The following CAST variants were observed in gnomAD, a reference collection of about 807,000 sequenced individuals.
The protein encoded by CAST is MIR583 host.
In CAST, 76 loss-of-function variants were observed where a neutral mutation model predicts 119.6. That is an observed-to-expected ratio of 0.64 (90% confidence interval 0.53 to 0.77). The LOEUF (loss-of-function observed/expected upper bound fraction) is 0.77, where lower values mean the gene tolerates loss of function less well. CAST is among the 30% of genes least tolerant of loss of function. The probability of loss-of-function intolerance (pLI) is 0.00; values close to 1 mark genes in which losing one functional copy is unlikely to be tolerated. For missense variants in CAST, 953 were observed against 946.5 expected, an observed-to-expected ratio of 1.01 and a Z score of -0.09; for synonymous variants, 319 against 331.6, an observed-to-expected ratio of 0.96 and a Z score of 0.41.
chr5:96,647,662 T>C (rs111326173), intron 1 of CAST, among the ~76,000 whole-genome samples: 1 of 151,974 alleles, frequency 6.6e-6, no homozygotes, highest in African/African-American at 2.4e-5. Context: ...AAATACATAA[T>C]AAATAAATAA....
At chr5:96,385,992 C>A in the CAST span, among the ~76,000 whole-genome samples, 2 of 152,180 alleles carry the variant, frequency 1.3e-5, no homozygotes, top group Admixed American at 6.5e-5. Context: ...AGCAAGTAAA[C>A]AAAACATGTT....
At chr5:96,680,380 G>GAAAAAAA (rs1751255045) in intron 2 of CAST, among the ~76,000 whole-genome samples, 1 of 72,740 alleles carries the variant, frequency 1.4e-5, no homozygotes, top group Non-Finnish European at 2.4e-5. Flanking sequence ...AAAAAAAAAA[G>GAAAAAAA]AAGAAGAAGA....
intron 9 of CAST, among the ~76,000 whole-genome samples, chr5:96,731,763 C>T (rs372383123): frequency 1.8e-4 from 25 of 140,980 alleles, no homozygotes; most frequent in African/African-American, 5.6e-4. Flanking sequence ...TTTGGTTTTT[C>T]GTTCTTGCGA....
upstream of CAST, chr5:96,662,224 G>A: frequency 1.8e-6 from 1 of 555,648 alleles, no homozygotes; most frequent in Non-Finnish European, 2.8e-6. Flanking sequence ...CCCTCCGCGG[G>A]CAGGAAGGGG....
At chr5:96,670,638 C>T (rs541315853) in intron 1 of CAST, among the ~76,000 whole-genome samples, 13 of 152,170 alleles carry the variant, frequency 8.5e-5, no homozygotes, top group Non-Finnish European at 1.6e-4. Flanking sequence ...GCTGGGACTA[C>T]AGGTGTGCAC....
chr5:96,597,463 G>T (rs777122888), intron 1 of CAST, among the ~76,000 whole-genome samples: 1 of 152,162 alleles, frequency 6.6e-6, no homozygotes, highest in Non-Finnish European at 1.5e-5. Context: ...GGACAAGAAG[G>T]CTACCATCCC....
At chr5:96,099,983 T>C in the CAST span, among the ~76,000 whole-genome samples, 6 of 152,206 alleles carry the variant, frequency 3.9e-5, no homozygotes, top group Non-Finnish European at 8.8e-5. Flanking sequence ...TGGTAGGCTA[T>C]TTATGACTGC....
rs962796749 is a variant in CAST, at chr5:96,724,632, A to G, written c.270+1934A>G. Among the ~76,000 whole-genome samples, 3 of 151,786 alleles carry G rather than the reference A, an allele frequency of 2.0e-5. No individual in the cohort carries two copies. In the South Asian group the frequency reaches 6.2e-4, roughly 32 times the overall value. ...GATCGCTTGAGCCCAGGAGTTTGGGACCAGCCTGGGCAACATAGCGAGATC... is the reference window on the plus strand; with the variant it reads ...GATCGCTTGAGCCCAGGAGTTTGGGGCCAGCCTGGGCAACATAGCGAGATC... On this transcript the variant is annotated intron_variant, in intron 4 of 31. Coordinates refer to ENST00000675179, the MANE Select transcript of CAST (RefSeq NM_001750.7).
At chr5:96,375,691 C>T in the CAST span, among the ~76,000 whole-genome samples, 1 of 151,484 alleles carries the variant, frequency 6.6e-6, no homozygotes, top group Non-Finnish European at 1.5e-5. Flanking sequence ...AGGAGATTAC[C>T]TTGTATAATG....
chr5:95,961,945 C>T, the CAST span: 1 of 520,772 alleles, frequency 1.9e-6, no homozygotes. Flanking sequence ...GTCTTGTTCC[C>T]TTCAGAACCG....
the CAST span, among the ~76,000 whole-genome samples, chr5:96,199,488 T>C: frequency 2.0e-5 from 3 of 152,186 alleles, no homozygotes; most frequent in African/African-American, 2.4e-5. Flanking sequence ...TAGGTTTACA[T>C]AGACCAAATC....
the CAST span, among the ~76,000 whole-genome samples, chr5:96,470,207 A>ACG: frequency 5.3e-3 from 809 of 151,282 alleles, 7 homozygotes; most frequent in African/African-American, 0.018. Context: ...ACACACACAC[A>ACG]CACGCACAGA....
the CAST span, among the ~76,000 whole-genome samples, chr5:96,475,688 G>A: frequency 4.6e-4 from 70 of 152,174 alleles, no homozygotes; most frequent in Non-Finnish European, 5.9e-5. Context: ...CAAGCAGGGG[G>A]TCTGGAAGTT....
At chr5:96,260,977 A>G in the CAST span, among the ~76,000 whole-genome samples, 1 of 152,204 alleles carries the variant, frequency 6.6e-6, no homozygotes, top group African/African-American at 2.4e-5. Context: ...CTAAAGACTA[A>G]TGGAACCTGC....
the CAST span, among the ~76,000 whole-genome samples, chr5:96,307,263 G>A: frequency 6.6e-6 from 1 of 152,142 alleles, no homozygotes; most frequent in Non-Finnish European, 1.5e-5. Context: ...TCAGAGACTA[G>A]GATTGTGACC....
chr5:95,997,962 GGT>G, the CAST span, among the ~76,000 whole-genome samples: 1,134 of 111,712 alleles, frequency 0.01, 5 homozygotes, highest in African/African-American at 0.043. Context: ...TTTGAGAGAG[GGT>G]TTTTTTTTTT....
the CAST span, among the ~76,000 whole-genome samples, chr5:96,356,473 A>G: frequency 6.6e-6 from 1 of 152,138 alleles, no homozygotes; most frequent in Non-Finnish European, 1.5e-5. Context: ...TAGGTCTTAC[A>G]TTTAAGTCTT....
the CAST span, among the ~76,000 whole-genome samples, chr5:96,167,822 A>T: frequency 6.6e-6 from 1 of 152,196 alleles, no homozygotes; most frequent in Admixed American, 6.5e-5. Flanking sequence ...AACTCGAGGC[A>T]TGTGAGTAAA....
the CAST span, among the ~76,000 whole-genome samples, chr5:96,516,154 G>A: frequency 1.4e-5 from 1 of 69,244 alleles, no homozygotes; most frequent in South Asian, 3.7e-4. Context: ...CTTAGATGGT[G>A]GCCATGCATT....
Sources: gnomAD v4.1 joint callset for allele counts (sites outside exome capture counted in the v4.1 genomes callset) on GRCh38, gnomAD v4.1.1 for gene constraint, MANE v1.5 for transcripts, NCBI Gene and HGNC (gene_info 2026-07-23, HGNC 2026-07-21) for gene names.